MAML2: variants seen among roughly 807,000 people sequenced by gnomAD.
The protein encoded by MAML2 is mastermind like transcriptional coactivator 2.
A neutral mutation model predicts 96.1 loss-of-function variants in MAML2; 22 were observed. That is an observed-to-expected ratio of 0.23 (90% CI 0.16 to 0.33). MAML2 has a LOEUF of 0.33. MAML2 is among the 10% of genes least tolerant of loss of function. MAML2 has a pLI of 1.00. For missense variants in MAML2, 1,367 were observed against 1,392.4 expected, an observed-to-expected ratio of 0.98 and a Z score of 0.29; for synonymous variants, 561 against 521.3, an observed-to-expected ratio of 1.08 and a Z score of -1.04.
chr11:96,250,420 C>T (rs765071625), intron 1 of MAML2, among the ~76,000 whole-genome samples: 10 of 152,112 alleles, frequency 6.6e-5, no homozygotes, highest in Non-Finnish European at 1.0e-4. Context: ...ATACACTATC[C>T]GCCTTCTAGC....
At chr11:96,252,633 C>T (rs965106842) in intron 1 of MAML2, among the ~76,000 whole-genome samples, 2 of 151,984 alleles carry the variant, frequency 1.3e-5, no homozygotes, top group African/African-American at 2.4e-5. Flanking sequence ...ACCATGTTGG[C>T]CAGGATGGTC....
chr11:96,343,063 AG>A lies in MAML2; in HGVS notation c.-1169del. The A allele has an allele frequency of 2.5e-6, 1 of 398,270 alleles. No individual in the cohort carries two copies. Among genetic ancestry groups the A allele is most frequent in the East Asian group, 3.6e-5 (1 of 28,070 alleles). 24.7% of individuals were successfully genotyped at this position (398,270 alleles called of 1,614,324 possible). ...CTCCGCTTTATAGATGGAAAAAAAA[AG>A]TAGCTTGTATTTTCCTTTCTCTTTC... On this transcript the variant is annotated 5_prime_UTR_variant, in exon 1 of 5. Coordinates refer to ENST00000524717, the MANE Select transcript of MAML2 (RefSeq NM_032427.4).
chr11:96,101,121 A>G (rs893781087), intron 1 of MAML2, among the ~76,000 whole-genome samples: 6 of 152,170 alleles, frequency 3.9e-5, no homozygotes, highest in African/African-American at 1.4e-4. Flanking sequence ...CAGGTTCTAT[A>G]TAGAGAAAAG....
At chr11:96,039,407 A>T (rs1414317210) in intron 2 of MAML2, among the ~76,000 whole-genome samples, 1 of 143,742 alleles carries the variant, frequency 7.0e-6, no homozygotes, top group Non-Finnish European at 1.5e-5. Context: ...AGGAGAGGGG[A>T]GAGGGGAGGA....
chr11:96,294,737 C>A (rs1863266562), intron 1 of MAML2, among the ~76,000 whole-genome samples: 1 of 152,158 alleles, frequency 6.6e-6, no homozygotes, highest in Non-Finnish European at 1.5e-5. Context: ...CATGCTTAAT[C>A]CTCTACACTG....
chr11:96,054,479 C>G (rs1372947450), intron 2 of MAML2, among the ~76,000 whole-genome samples: 1 of 152,102 alleles, frequency 6.6e-6, no homozygotes, highest in African/African-American at 2.4e-5. Flanking sequence ...GGAGGTTGGA[C>G]AGTTTAAGGA....
intron 1 of MAML2, among the ~76,000 whole-genome samples, chr11:96,300,827 G>A (rs1003222814): frequency 2.0e-5 from 3 of 152,148 alleles, no homozygotes; most frequent in African/African-American, 7.2e-5. Flanking sequence ...AGGCCAGGAT[G>A]GTGGTACCAT....
At chr11:96,315,321 C>T (rs1274568723) in intron 1 of MAML2, among the ~76,000 whole-genome samples, 2 of 152,190 alleles carry the variant, frequency 1.3e-5, no homozygotes, top group Non-Finnish European at 2.9e-5. Flanking sequence ...TAACTCTAAA[C>T]ATTCCCTAAA....
At chr11:96,333,775 AC>A (rs1863882597) in intron 1 of MAML2, among the ~76,000 whole-genome samples, 2 of 152,234 alleles carry the variant, frequency 1.3e-5, no homozygotes, top group Non-Finnish European at 2.9e-5. Context: ...GAAGCGTCTA[AC>A]CTTTTGTGGC....
chr11:96,118,874 T>G (rs932579094), intron 1 of MAML2, among the ~76,000 whole-genome samples: 3 of 152,158 alleles, frequency 2.0e-5, no homozygotes, highest in African/African-American at 7.2e-5. Flanking sequence ...TTTTTTTCCT[T>G]TAGGTTAAAC....
chr11:96,342,820 C>T lies in MAML2; in HGVS notation c.-925G>A. The T allele has an allele frequency of 3.1e-6, 1 of 319,752 alleles. No individual in the cohort carries two copies. Among genetic ancestry groups the T allele is most frequent in the Middle Eastern group, 7.9e-4 (1 of 1,266 alleles). The allele number at this position is 319,752 out of a possible 1,614,324, so 19.8% of individuals were successfully genotyped here. On this transcript the variant is annotated 5_prime_UTR_variant, in exon 1 of 5. Coordinates refer to ENST00000524717, the MANE Select transcript of MAML2 (RefSeq NM_032427.4). ...ATTTTTTTCTTTCCCGCTTACGTTT[C>T]TATTCCTCACCCCCGGCTCTATTCT... is the stretch of plus-strand genomic sequence containing the variant.
intron 2 of MAML2, among the ~76,000 whole-genome samples, chr11:96,055,434 A>G (rs766250209): frequency 5.3e-5 from 8 of 152,210 alleles, no homozygotes; most frequent in Non-Finnish European, 1.0e-4. Context: ...CAGGGGGGAA[A>G]AAAAAGAGCC....
intron 1 of MAML2, among the ~76,000 whole-genome samples, chr11:96,194,140 C>G (rs1008771443): frequency 6.6e-6 from 1 of 152,128 alleles, no homozygotes; most frequent in Non-Finnish European, 1.5e-5. Flanking sequence ...AAAGAAAGGC[C>G]GAGACTCTAA....
chr11:96,182,948 C>CTTTCT, intron 1 of MAML2, among the ~76,000 whole-genome samples: 2 of 136,106 alleles, frequency 1.5e-5, no homozygotes, highest in African/African-American at 5.4e-5. Flanking sequence ...CTTGGACATC[C>CTTTCT]TTTCTTTTCT....
chr11:96,301,530 A>G (rs1251776005), intron 1 of MAML2, among the ~76,000 whole-genome samples: 1 of 152,224 alleles, frequency 6.6e-6, no homozygotes. Context: ...CCACATGGAT[A>G]TGTGTTAGAA....
chr11:96,115,049 G>A (rs1231537204), intron 1 of MAML2, among the ~76,000 whole-genome samples: 5 of 152,162 alleles, frequency 3.3e-5, no homozygotes, highest in African/African-American at 4.8e-5. Flanking sequence ...TTCATGGGCT[G>A]GCATAGGTCA....
At chr11:96,055,363 A>G (rs1321519536) in intron 2 of MAML2, among the ~76,000 whole-genome samples, 2 of 152,214 alleles carry the variant, frequency 1.3e-5, no homozygotes, top group African/African-American at 4.8e-5. Flanking sequence ...AGAGCTTAGT[A>G]TTAATGGCAG....
At chr11:96,080,527 C>T (rs898311828) in intron 2 of MAML2, among the ~76,000 whole-genome samples, 1 of 152,186 alleles carries the variant, frequency 6.6e-6, no homozygotes, top group Non-Finnish European at 1.5e-5. Context: ...GTAACAAAGG[C>T]AGTGAGCAAG....
intron 1 of MAML2, among the ~76,000 whole-genome samples, chr11:96,244,624 A>G (rs2135962824): frequency 6.6e-6 from 1 of 152,348 alleles, no homozygotes; most frequent in Middle Eastern, 3.4e-3. Flanking sequence ...AAAGTTCTTT[A>G]CATGCATTAT....
Sources: allele counts gnomAD v4.1 joint callset (sites outside exome capture counted in the v4.1 genomes callset), GRCh38; gene constraint gnomAD v4.1.1; transcripts MANE v1.5; gene names NCBI Gene and HGNC (gene_info 2026-07-23, HGNC 2026-07-21).